CCDC187: variants seen among roughly 807,000 people sequenced by gnomAD.
CCDC187 encodes the protein coiled-coil domain containing 187, also known as coiled-coil domain-containing protein 187.
CCDC187 carries 32 observed loss-of-function variants against 38.0 expected under a neutral mutation model. That is an observed-to-expected ratio of 0.84 (90% CI 0.64 to 1.13). The LOEUF is 1.13. Among genes scored for constraint, CCDC187 ranks in the 50% most tolerant of loss-of-function variants. The pLI, the probability that CCDC187 is intolerant of heterozygous loss-of-function variation, is 0.00. For synonymous variants in CCDC187, 333 were observed against 347.9 expected, an observed-to-expected ratio of 0.96 and a Z score of 0.48; for missense variants, 707 against 786.8, an observed-to-expected ratio of 0.90 and a Z score of 1.21.
intron 19 of CCDC187, 120 bp from the exon 20 acceptor site, chr9:136,260,384 G>T: frequency 1.3e-6 from 1 of 749,550 alleles, no homozygotes; most frequent in Non-Finnish European, 1.6e-6. Flanking sequence ...GTCACATCCA[G>T]GGATGGCTGT....
At position 136,263,641 on chromosome 9, in the gene CCDC187, G is replaced by A; in HGVS notation, c.3893C>T (p.Ala1298Val). ...ACCCACCTGCTGCAGCTTGGCCTGG[G>A]CCTGCAGCTCGTGCGCTGGGACGAC... ...TDVVPAHELQ[A>V]QAKLQQGSSP... The change falls in exon 18 of 26, where the codon GCC (alanine) becomes GTC (valine). Residue 1298 changes from alanine to valine, a missense_variant. By Grantham distance (64) the Ala-to-Val change is moderately conservative (BLOSUM62 0). Transcript: ENST00000638797. The A allele has an allele frequency of 1.0e-6, 1 of 985,468 alleles. No homozygotes were observed. The highest frequency in any genetic ancestry group is 1.2e-6 in the Non-Finnish European group (1 of 829,940). 61.0% of individuals were successfully genotyped at this position (985,468 alleles called of 1,614,324 possible).
At chr9:136,304,973 A>G (rs1323339795), upstream of CCDC187, among the ~76,000 whole-genome samples, 2 of 152,198 alleles carry the variant, frequency 1.3e-5, no homozygotes, top group Non-Finnish European at 2.9e-5. Flanking sequence ...ACCGCCAGGC[A>G]AACGCCTGGA....
chr9:136,282,514 G>A (rs1440001328), intron 9 of CCDC187, among the ~76,000 whole-genome samples: 3 of 152,142 alleles, frequency 2.0e-5, no homozygotes, highest in Non-Finnish European at 4.4e-5. Flanking sequence ...TGCTGAGCCT[G>A]CATCTGTGAG....
rs1480647624 is a variant in CCDC187 at position 136,271,259 on chromosome 9, T to C, written c.3443-3134A>G. ...AATATGGTCTGGGCGTGGTGGCTCC[T>C]GCCTATAATCCCAGCACTTTGGGAG... On this transcript the variant is annotated intron_variant, in intron 14 of 25. Coordinates refer to ENST00000638797, the MANE Select transcript of CCDC187 (RefSeq NM_001378188.1). Among the ~76,000 whole-genome samples the C allele has an allele frequency of 2.0e-5, 3 of 152,314 alleles. No individual in the cohort carries two copies. In the East Asian group the frequency reaches 5.8e-4, roughly 29 times the overall value.
intron 3 of CCDC187, among the ~76,000 whole-genome samples, chr9:136,299,786 A>G (rs1366932770): frequency 2.6e-5 from 4 of 152,098 alleles, no homozygotes; most frequent in East Asian, 3.9e-4. Flanking sequence ...GCGTTTCCCC[A>G]TCTGTGGGCT....
chr9:136,305,088 C>G (rs1409608924), upstream of CCDC187, among the ~76,000 whole-genome samples: 2 of 152,210 alleles, frequency 1.3e-5, no homozygotes, highest in Non-Finnish European at 2.9e-5. Context: ...ATCCAGGGCA[C>G]AGAGGCTGAG....
intron 4 of CCDC187, among the ~76,000 whole-genome samples, chr9:136,294,506 C>A (rs1357091510): frequency 6.6e-6 from 1 of 152,196 alleles, no homozygotes; most frequent in Non-Finnish European, 1.5e-5. Context: ...CTGGCCCTGG[C>A]CCCCATGAAG....
chr9:136,294,371 G>T (rs1443594392), intron 4 of CCDC187, among the ~76,000 whole-genome samples: 3 of 152,164 alleles, frequency 2.0e-5, no homozygotes, highest in African/African-American at 7.2e-5. Flanking sequence ...ATTCCACCTG[G>T]CTCTGCAGGG....
chr9:136,285,460 CAGGCGGGCAGGTGGGCAGGT>C (rs1831156073), intron 9 of CCDC187, 33 bp downstream of exon 9: 107 of 40,466 alleles, frequency 2.6e-3, no homozygotes, highest in Middle Eastern at 0.019. Flanking sequence ...GGCAGGTGGG[CAGGCGGGCAGGTGGGCAGGT>C]GGGCAGGTGG....
chr9:136,268,118 C>T lies in CCDC187; in HGVS notation c.3450G>A (p.Glu1150=). The part of the protein sequence containing the change: ...VVAKPASAEV[E]GPDGALSQLP... ...GCTGGGAGAGGGCTCCGTCAGGGCC[C>T]TCCACCTCTGAGGAAGGAAGCGCCA... is the stretch of plus-strand genomic sequence containing the variant. The change falls in exon 15 of 26, where the codon GAG becomes GAA. Residue 1150 remains glutamate, a synonymous_variant. Transcript: ENST00000638797. 1.0e-6 allele frequency: 1 copy of T among 985,520 alleles called. No homozygotes were observed. The highest frequency in any genetic ancestry group is 1.1e-4 in the East Asian group (1 of 8,820). The allele number at this position is 985,520 out of a possible 1,614,324, so 61.0% of individuals were successfully genotyped here.
chr9:136,294,780 C>G (rs893368709), intron 4 of CCDC187, among the ~76,000 whole-genome samples: 9 of 152,234 alleles, frequency 5.9e-5, no homozygotes, highest in Non-Finnish European at 1.2e-4. Context: ...TGGCCACGGC[C>G]TCTCCAGGAC....
chr9:136,267,561 C>A, intron 15 of CCDC187, 50 bp from the exon 16 acceptor site: 1 of 985,594 alleles, frequency 1.0e-6, no homozygotes, highest in African/African-American at 1.7e-5. Flanking sequence ...TTCGGTGCTT[C>A]CGGGCCTCGC....
chr9:136,293,361 T>A (rs1206717731), intron 4 of CCDC187, among the ~76,000 whole-genome samples: 7 of 95,780 alleles, frequency 7.3e-5, no homozygotes, highest in East Asian at 3.7e-4. Context: ...TCACACACAT[T>A]CACATGCTCA....
chr9:136,300,051 T>C (rs1362068443), intron 3 of CCDC187, among the ~76,000 whole-genome samples, 169 bp downstream of exon 3: 1 of 152,220 alleles, frequency 6.6e-6, no homozygotes, highest in African/African-American at 2.4e-5. Flanking sequence ...GAACACAGGC[T>C]CCAGAGAATG....
intron 18 of CCDC187, among the ~76,000 whole-genome samples, chr9:136,263,198 C>T (rs1418153540): frequency 6.6e-6 from 1 of 151,288 alleles, no homozygotes; most frequent in Non-Finnish European, 1.5e-5. Flanking sequence ...CCATCTGCCC[C>T]ACCCCACCCC....
At chr9:136,270,628 G>A (rs1276846552) in intron 14 of CCDC187, among the ~76,000 whole-genome samples, 1 of 152,234 alleles carries the variant, frequency 6.6e-6, no homozygotes, top group Non-Finnish European at 1.5e-5. Context: ...GCCTCCGGAT[G>A]ACTGGGGGCA....
chr9:136,302,481 G>A (rs1831709525), intron 2 of CCDC187, among the ~76,000 whole-genome samples: 1 of 151,854 alleles, frequency 6.6e-6, no homozygotes, highest in Admixed American at 6.6e-5. Flanking sequence ...CCACAAATCT[G>A]ACCATGCAGC....
chr9:136,270,047 C>T (rs930097920), intron 14 of CCDC187, among the ~76,000 whole-genome samples: 1 of 152,096 alleles, frequency 6.6e-6, no homozygotes, highest in African/African-American at 2.4e-5. Flanking sequence ...CAAAAGGAAA[C>T]AGAGAAGAAA....
intron 9 of CCDC187, among the ~76,000 whole-genome samples, chr9:136,284,398 C>T (rs1023593454): frequency 2.0e-3 from 298 of 152,292 alleles, no homozygotes; most frequent in Non-Finnish European, 3.0e-3. Context: ...AGAGCTTTCC[C>T]GAGAGACCGC....
Sources: gnomAD v4.1 joint callset for allele counts (sites outside exome capture counted in the v4.1 genomes callset) on GRCh38, gnomAD v4.1.1 for gene constraint, MANE v1.5 for transcripts, NCBI Gene and HGNC (gene_info 2026-07-23, HGNC 2026-07-21) for gene names.